CARD8: variants seen among roughly 807,000 people sequenced by gnomAD.
The protein encoded by CARD8 is caspase recruitment domain family member 8.
CARD8 carries 38 observed loss-of-function variants against 53.2 expected under a neutral mutation model. The observed-to-expected ratio is 0.71, with a 90% CI of 0.55 to 0.94. CARD8 has a LOEUF of 0.94. Among genes scored for constraint, CARD8 ranks in the 40% least tolerant of loss-of-function variants. CARD8 has a pLI of 0.00. For synonymous variants in CARD8, 245 were observed against 244.9 expected (o/e 1.00, Z 0.00); for missense variants, 561 against 655.5 (o/e 0.86, Z 1.57).
At chr19:48,236,264 G>A (rs1006092454) in intron 5 of CARD8, among the ~76,000 whole-genome samples, 1 of 152,200 alleles carries the variant, frequency 6.6e-6, no homozygotes, top group Non-Finnish European at 1.5e-5. Context: ...CCAGGCTGGA[G>A]TGCAGTGGCA....
chr19:48,248,505 A>C (rs2046468609), intron 3 of CARD8, among the ~76,000 whole-genome samples: 2 of 152,236 alleles, frequency 1.3e-5, no homozygotes, highest in Admixed American at 1.3e-4. Context: ...ATTCACTAGT[A>C]ATCAGGGGAA....
At position 48,221,870 on chromosome 19, in the gene CARD8, G is replaced by A. The variant is rs557625355; in HGVS notation, c.1036-15C>T. 2.5e-6 allele frequency: 4 copies of A among 1,572,874 alleles called. No homozygotes were observed. The highest frequency in any genetic ancestry group is 2.3e-5 in the East Asian group (1 of 44,242). ...TCATCTATCGCCTAAGGAAGAAGGG[G>A]CAGAAACATTAGAGAGCACAAAAAA... On this transcript the variant is annotated splice_polypyrimidine_tract_variant and intron_variant, in intron 10 of 13. Transcript: ENST00000651546.
Position 48,231,518 on chromosome 19 carries a change from T to C in CARD8, c.542+142A>G, listed in dbSNP as rs539651976. 34 of 770,532 alleles carry C rather than the reference T, an allele frequency of 4.4e-5. 1 individual carries two copies. In the East Asian group the frequency reaches 8.4e-4, roughly 19 times the overall value. 47.7% of individuals were successfully genotyped at this position (770,532 alleles called of 1,614,324 possible). A position where few individuals can be genotyped will look rare whatever the true frequency, so the allele number is the denominator to read the frequency against. ...CAGGGTTTCGTCATGTTGGCCAGGCTGGTCTCGAACTCCTGACCTTGTGAT... is the reference window on the plus strand; with the variant it reads ...CAGGGTTTCGTCATGTTGGCCAGGCCGGTCTCGAACTCCTGACCTTGTGAT... On this transcript the variant is annotated intron_variant, in intron 8 of 13. Transcript: ENST00000651546.
At chr19:48,221,937 T>C in intron 10 of CARD8, 82 bp from the exon 11 acceptor site, 1 of 1,175,588 alleles carries the variant, frequency 8.5e-7, no homozygotes, top group Non-Finnish European at 1.2e-6. Flanking sequence ...TTATATGGTA[T>C]ATTAAGTAGC....
rs146199265 is a variant in CARD8 at position 48,211,859 on chromosome 19, C to T, written c.1465G>A (p.Val489Met). Residue 489 changes from valine to methionine, a missense_variant, in exon 14 of 14, where the codon GTG becomes ATG. By Grantham distance (21) the Val-to-Met change is conservative. Transcript: ENST00000651546. Reference protein sequence around the residue: ...EVLTENEKELVEQEKTRQSKN... With the variant: ...EVLTENEKELMEQEKTRQSKN... ...CTCTGCCGTGTCTTTTCCTGCTCCA[C>T]CAGCTCCTTCTCATTCTCAGTAAGA... The T allele has an allele frequency of 6.2e-7, 1 of 1,614,170 alleles. No individual in the cohort carries two copies. The highest frequency in any genetic ancestry group is 1.3e-5 in the African/African-American group (1 of 75,042).
At chr19:48,205,212 A>G (rs995217371), downstream of CARD8, among the ~76,000 whole-genome samples, 1 of 152,054 alleles carries the variant, frequency 6.6e-6, no homozygotes, top group African/African-American at 2.4e-5. Context: ...TTTATTATGG[A>G]AAGTTTCGGC....
At position 48,211,856 on chromosome 19, in the gene CARD8, C is replaced by T. The variant is rs749876926; in HGVS notation, c.1468G>A (p.Glu490Lys). 43 of 1,614,170 alleles carry T rather than the reference C, an allele frequency of 2.7e-5. No homozygotes were observed. The highest frequency in any genetic ancestry group is 3.5e-5 in the Non-Finnish European group (41 of 1,180,040). ...TTGCTCTGCCGTGTCTTTTCCTGCTCCACCAGCTCCTTCTCATTCTCAGTA... is the reference window on the plus strand; with the variant it reads ...TTGCTCTGCCGTGTCTTTTCCTGCTTCACCAGCTCCTTCTCATTCTCAGTA... ...VLTENEKELV[E>K]QEKTRQSKNE... The change falls in exon 14 of 14, where the codon GAG becomes AAG. Residue 490 changes from glutamate to lysine, a missense_variant. Coordinates refer to ENST00000651546, the MANE Select transcript of CARD8 (RefSeq NM_001184900.3).
At chr19:48,248,358 A>G (rs1233402336) in intron 3 of CARD8, among the ~76,000 whole-genome samples, 2 of 152,236 alleles carry the variant, frequency 1.3e-5, no homozygotes, top group Non-Finnish European at 2.9e-5. Context: ...TTTAAAAAAA[A>G]TTCCTAAACT....
At chr19:48,243,175 G>A (rs1307842902) in intron 3 of CARD8, among the ~76,000 whole-genome samples, 1 of 152,096 alleles carries the variant, frequency 6.6e-6, no homozygotes, top group African/African-American at 2.4e-5. Context: ...ATGACGCCTG[G>A]CTAATTTTTT....
chr19:48,218,149 T>C (rs1050000098), intron 12 of CARD8, among the ~76,000 whole-genome samples: 6 of 134,230 alleles, frequency 4.5e-5, no homozygotes, highest in African/African-American at 1.7e-4. Flanking sequence ...ACACTGACAA[T>C]AGATTTCTCT....
intron 10 of CARD8, among the ~76,000 whole-genome samples, chr19:48,229,124 A>C (rs1439665123): frequency 6.6e-6 from 1 of 152,114 alleles, no homozygotes; most frequent in Non-Finnish European, 1.5e-5. Context: ...GCAACAGAAC[A>C]AGACTCTGTC....
intron 10 of CARD8, among the ~76,000 whole-genome samples, chr19:48,227,383 A>G (rs1235148580): frequency 6.6e-6 from 1 of 152,166 alleles, no homozygotes; most frequent in Non-Finnish European, 1.5e-5. Context: ...GAGACGAAGA[A>G]TTCATCAAGT....
intron 13 of CARD8, among the ~76,000 whole-genome samples, chr19:48,213,384 ATTTAT>A (rs2038438927): frequency 6.6e-6 from 1 of 151,356 alleles, no homozygotes; most frequent in Non-Finnish European, 1.5e-5. Context: ...TTATTTATTT[ATTTAT>A]TTTGAGACAA....
At chr19:48,234,872 T>C (rs943854771) in intron 5 of CARD8, among the ~76,000 whole-genome samples, 11 of 152,188 alleles carry the variant, frequency 7.2e-5, no homozygotes, top group African/African-American at 2.2e-4. Context: ...TTGACCTATA[T>C]AACCTTGCTA....
downstream of CARD8, among the ~76,000 whole-genome samples, chr19:48,207,732 C>CTGTTTTTTTTTGTTT (rs1194788071): frequency 9.1e-3 from 832 of 91,218 alleles, 35 homozygotes; most frequent in African/African-American, 0.034. Flanking sequence ...TGTTGTTTTT[C>CTGTTTTTTTTTGTTT]TGTTTTTTTT....
chr19:48,224,038 T>G (rs2041243610), intron 10 of CARD8, among the ~76,000 whole-genome samples: 2 of 152,190 alleles, frequency 1.3e-5, no homozygotes, highest in South Asian at 4.1e-4. Flanking sequence ...CTCAGCTCAC[T>G]GCAACCTCTG....
rs1367114151 is a variant in CARD8, at chr19:48,209,618, AAGAGG to A, written c.*2087_*2091del. 3 of 152,220 alleles carry A rather than the reference AAGAGG, an allele frequency of 2.0e-5. No homozygotes were observed. The highest frequency in any genetic ancestry group is 4.4e-5 in the Non-Finnish European group (3 of 68,040). 9.4% of individuals were successfully genotyped at this position (152,220 alleles called of 1,614,324 possible). The stretch of plus-strand genomic sequence containing the variant: ...AACATTTCCACAATAAGAGTCTCAG[AAGAGG>A]AGGAAAAAAACAAAATATAATATTG... On this transcript the variant is annotated 3_prime_UTR_variant, in exon 14 of 14. Coordinates refer to ENST00000651546, the MANE Select transcript of CARD8 (RefSeq NM_001184900.3).
chr19:48,239,859 C>T (rs1475663052), intron 4 of CARD8, among the ~76,000 whole-genome samples: 1 of 152,076 alleles, frequency 6.6e-6, no homozygotes, highest in African/African-American at 2.4e-5. Context: ...TGCTGGAAAG[C>T]CCAGGATCAA....
At chr19:48,207,731 TCTG>T (rs1409049763), downstream of CARD8, among the ~76,000 whole-genome samples, 1 of 93,206 alleles carries the variant, frequency 1.1e-5, no homozygotes, top group Non-Finnish European at 2.3e-5. Context: ...TTGTTGTTTT[TCTG>T]TTTTTTTTTT....
Sources: allele counts gnomAD v4.1 joint callset (sites outside exome capture counted in the v4.1 genomes callset), GRCh38; gene constraint gnomAD v4.1.1; transcripts MANE v1.5; gene names NCBI Gene and HGNC (gene_info 2026-07-23, HGNC 2026-07-21).